PTBP3: variants seen among roughly 807,000 people sequenced by gnomAD.
PTBP3 encodes polypyrimidine tract binding protein 3.
Under a neutral mutation model 58.7 loss-of-function variants are expected in PTBP3, and 20 were observed. That is an observed-to-expected ratio of 0.34 (90% CI 0.24 to 0.50). PTBP3 has a LOEUF of 0.50. Ranked by LOEUF, PTBP3 falls within the 20% of genes least tolerant of loss-of-function variation. PTBP3 has a pLI of 0.98. For missense variants in PTBP3, 509 were observed against 637.2 expected (o/e 0.80, Z 2.17); for synonymous variants, 185 against 219.8 (o/e 0.84, Z 1.40).
intron 2 of PTBP3, among the ~76,000 whole-genome samples, chr9:112,291,148 G>T (rs1296692643): frequency 6.6e-6 from 1 of 152,092 alleles, no homozygotes; most frequent in African/African-American, 2.4e-5. Flanking sequence ...CTTCAACCTG[G>T]GAGGCGGAGG....
the PTBP3 span, among the ~76,000 whole-genome samples, chr9:112,379,315 G>A: frequency 6.6e-6 from 1 of 152,168 alleles, no homozygotes; most frequent in Non-Finnish European, 1.5e-5. Context: ...ACAGTTCCTC[G>A]TGTCTTCCTT....
intron 7 of PTBP3, among the ~76,000 whole-genome samples, chr9:112,244,562 C>T (rs1200233786): frequency 6.6e-6 from 1 of 151,836 alleles, no homozygotes; most frequent in Non-Finnish European, 1.5e-5. Flanking sequence ...GCCTGTGGTC[C>T]TGGCTACTCA....
intron 1 of PTBP3, among the ~76,000 whole-genome samples, chr9:112,330,168 A>T (rs1381909838): frequency 6.6e-6 from 1 of 152,178 alleles, no homozygotes; most frequent in Non-Finnish European, 1.5e-5. Context: ...CCTAGGCTAC[A>T]TTTAACTGCT....
Position 112,268,163 on chromosome 9 carries a change from G to A in PTBP3, c.237C>T (p.Ala79=), listed in dbSNP as rs144570091. 2.0e-4 allele frequency: 329 copies of A among 1,610,898 alleles called. No individual in the cohort carries two copies. In the Middle Eastern group the frequency reaches 7.7e-3, roughly 38 times the overall value. Residue 79 remains alanine (A), a synonymous_variant, in exon 4 of 14, where the codon GCC becomes GCT. Coordinates refer to ENST00000374257, the MANE Select transcript of PTBP3 (RefSeq NM_001163788.4). ...AFLEMASEEA[A]VTMVNYYTPI... Reference sequence around the variant, plus strand: ...GAGTGTAATAATTCACCATAGTAACGGCAGCTTCCTCAGAAGCCATTTCTA... The same window carrying A: ...GAGTGTAATAATTCACCATAGTAACAGCAGCTTCCTCAGAAGCCATTTCTA...
In PTBP3 at chr9:112,228,526, A is replaced by G; in HGVS notation, c.1055-54T>C. 2.4e-6 allele frequency: 3 copies of G among 1,275,100 alleles called. No individual in the cohort carries two copies. The South Asian group carries it at 4.5e-5, about 19-fold the overall frequency. The allele number at this position is 1,275,100 out of a possible 1,614,324, so 79.0% of individuals were successfully genotyped here. On this transcript the variant is annotated intron_variant, in intron 10 of 13. Transcript: ENST00000374257. ...TTAACGTCTGATTGTGTTGTGTTTA[A>G]TTAATTTTACTAATATACTTAAAGA...
chr9:112,305,709 G>C (rs139237370), intron 1 of PTBP3, among the ~76,000 whole-genome samples: 3,241 of 152,206 alleles, frequency 0.021, 118 homozygotes, highest in African/African-American at 0.07. Context: ...GGGAGGCCGA[G>C]GGGGGCGGAT....
intron 1 of PTBP3, among the ~76,000 whole-genome samples, chr9:112,329,241 T>C (rs1815658171): frequency 6.6e-6 from 1 of 152,084 alleles, no homozygotes. Context: ...CGAAACCCCG[T>C]CTCTATTAAA....
the PTBP3 span, among the ~76,000 whole-genome samples, chr9:112,359,878 A>G: frequency 1.3e-5 from 2 of 152,194 alleles, no homozygotes; most frequent in African/African-American, 4.8e-5. Context: ...CAATATACAC[A>G]TAATCTCACC....
intron 9 of PTBP3, 128 bp from the exon 10 acceptor site, chr9:112,231,541 T>G: frequency 1.6e-6 from 1 of 638,974 alleles, no homozygotes; most frequent in Non-Finnish European, 2.5e-6. Flanking sequence ...CCGTATATAC[T>G]AGTGATGAAT....
At chr9:112,320,291 A>AAAATATATATATATATATATATATAT (rs1411646280) in intron 1 of PTBP3, among the ~76,000 whole-genome samples, 2 of 73,532 alleles carry the variant, frequency 2.7e-5, no homozygotes, top group African/African-American at 1.8e-4. Context: ...AAAAAAAAAA[A>AAAATATATATATATATATATATATAT]ATATATATAT....
At chr9:112,302,307 C>T (rs373715126) in intron 1 of PTBP3, among the ~76,000 whole-genome samples, 6 of 152,040 alleles carry the variant, frequency 3.9e-5, no homozygotes, top group African/African-American at 1.4e-4. Flanking sequence ...GAAAAATTGA[C>T]GAGAAAAAAG....
chr9:112,287,738 T>C (rs900231008), intron 2 of PTBP3, among the ~76,000 whole-genome samples: 1 of 152,246 alleles, frequency 6.6e-6, no homozygotes, highest in Non-Finnish European at 1.5e-5. Context: ...AATGCCATCA[T>C]GTATTTTTTT....
At chr9:112,217,913 G>A (rs142603999), downstream of PTBP3, 62 of 152,242 alleles carry the variant, frequency 4.1e-4, 1 homozygote, top group East Asian at 7.3e-3. Context: ...GAAGTAAAAC[G>A]TTTGTCTAAG....
Position 112,227,634 on chromosome 9 carries a change from C to T in PTBP3, c.1148-7G>A, listed in dbSNP as rs771729020. 6.2e-7 allele frequency: 1 copy of T among 1,610,922 alleles called. No homozygotes were observed. The highest frequency in any genetic ancestry group is 1.1e-5 in the South Asian group (1 of 90,996). The stretch of plus-strand genomic sequence containing the variant: ...CCACTTAGATGGTTCATTGCTAGTG[C>T]ATGGGAAGAAAATTTTAAAGTTTGA... On this transcript the variant is annotated splice_region_variant and splice_polypyrimidine_tract_variant and intron_variant, in intron 11 of 13. Transcript: ENST00000374257.
At chr9:112,247,428 T>C (rs2132058543) in intron 7 of PTBP3, among the ~76,000 whole-genome samples, 1 of 151,346 alleles carries the variant, frequency 6.6e-6, no homozygotes, top group East Asian at 2.0e-4. Context: ...AAAGGTTCTG[T>C]CATAAAAGAC....
At chr9:112,353,102 T>G in the PTBP3 span, among the ~76,000 whole-genome samples, 2 of 152,174 alleles carry the variant, frequency 1.3e-5, no homozygotes, top group Non-Finnish European at 2.9e-5. Flanking sequence ...GGTTTCACCA[T>G]GTTGGCCAGG....
chr9:112,271,070 G>A (rs1827365665), intron 3 of PTBP3, among the ~76,000 whole-genome samples: 1 of 152,000 alleles, frequency 6.6e-6, no homozygotes, highest in African/African-American at 2.4e-5. Flanking sequence ...CAAGTGATCT[G>A]CCCACCTCAG....
At chr9:112,295,571 T>C (rs1428281100) in intron 2 of PTBP3, among the ~76,000 whole-genome samples, 1 of 132,554 alleles carries the variant, frequency 7.5e-6, no homozygotes, top group Non-Finnish European at 1.5e-5. Flanking sequence ...TGGGTAGCAA[T>C]GTGTCAGATA....
rs1564427648 is a variant in PTBP3 at position 112,277,946 on chromosome 9, T to TAATATAACATAAC, written c.35-1934_35-1933insGTTATGTTATATT. Reference sequence around the variant, plus strand: ...CATAACATAACATAACATAACATAATATAACATAACATAACATAACATAAC... The same window carrying TAATATAACATAAC: ...CATAACATAACATAACATAACATAATAATATAACATAACATAACATAACATAACATAACATAAC... On this transcript the variant is annotated intron_variant, in intron 2 of 13. Transcript: ENST00000374257. 3.4e-4 allele frequency among the ~76,000 whole-genome samples: 20 copies of TAATATAACATAAC among 58,206 alleles called. No individual in the cohort carries two copies. The East Asian group carries it at 3.9e-3, about 11-fold the overall frequency. 38.2% of individuals were successfully genotyped at this position (58,206 alleles called of 152,430 possible).
Sources: gnomAD v4.1 joint callset for allele counts (sites outside exome capture counted in the v4.1 genomes callset) on GRCh38, gnomAD v4.1.1 for gene constraint, MANE v1.5 for transcripts, NCBI Gene and HGNC (gene_info 2026-07-23, HGNC 2026-07-21) for gene names.